The following FAM222A variants were observed in gnomAD, a reference collection of about 807,000 sequenced individuals.
FAM222A encodes family with sequence similarity 222 member A, also known as protein FAM222A.
Under a neutral mutation model 25.8 loss-of-function variants are expected in FAM222A, and 7 were observed. The observed-to-expected ratio is 0.27, with a 90% CI of 0.15 to 0.51. The LOEUF is 0.51. FAM222A is among the 20% of genes least tolerant of loss of function. The probability of loss-of-function intolerance (pLI) is 0.97; values close to 1 mark genes in which losing one functional copy is unlikely to be tolerated. For missense variants in FAM222A, 573 were observed against 640.5 expected (o/e 0.89, Z 1.14); for synonymous variants, 294 against 298.8 (o/e 0.98, Z 0.17).
intron 1 of FAM222A, among the ~76,000 whole-genome samples, chr12:109,739,469 G>T (rs75940818): frequency 6.6e-6 from 1 of 152,190 alleles, no homozygotes; most frequent in Non-Finnish European, 1.5e-5. Flanking sequence ...GAATGAATGG[G>T]TGGGTAAGAA....
intron 1 of FAM222A, among the ~76,000 whole-genome samples, chr12:109,726,627 A>AGGAGCAGCAGGG (rs1344659469): frequency 1.3e-5 from 2 of 152,228 alleles, no homozygotes; most frequent in East Asian, 3.8e-4. Flanking sequence ...GGAGATGGTC[A>AGGAGCAGCAGGG]GGAGCAGCAG....
At chr12:109,758,789 C>A (rs1248283618) in intron 2 of FAM222A, among the ~76,000 whole-genome samples, 1 of 152,166 alleles carries the variant, frequency 6.6e-6, no homozygotes, top group South Asian at 2.1e-4. Flanking sequence ...AGCTGCTCCC[C>A]CTGGCGAGCT....
At position 109,714,964 on chromosome 12, in the gene FAM222A, A is replaced by T. The variant is rs1887615637; in HGVS notation, c.-47+67A>T. On this transcript the variant is annotated intron_variant, in intron 1 of 2. Transcript: ENST00000538780. The surrounding 1 kb of genome is among the most constrained non-coding windows in gnomAD (Gnocchi z 4.2). ...ACCCCCTGGCGTCCGGGCAGCCAGG[A>T]TTGGACAGAAGGGGTCCTAGGCTGT... 1 of 152,688 alleles carries T rather than the reference A, an allele frequency of 6.5e-6. No individual in the cohort carries two copies. Among genetic ancestry groups the T allele is most frequent in the Non-Finnish European group, 1.5e-5 (1 of 68,452 alleles). The allele number at this position is 152,688 out of a possible 1,614,324, so 9.5% of individuals were successfully genotyped here.
intron 2 of FAM222A, among the ~76,000 whole-genome samples, chr12:109,750,301 C>T (rs1422395185): frequency 6.6e-6 from 1 of 152,106 alleles, no homozygotes; most frequent in African/African-American, 2.4e-5. Flanking sequence ...TCTTAGAGTT[C>T]ACTTCATATT....
Position 109,769,394 on chromosome 12 carries a change from C to T in FAM222A, c.*106C>T. On this transcript the variant is annotated 3_prime_UTR_variant, in exon 3 of 3. Coordinates refer to ENST00000538780, the MANE Select transcript of FAM222A (RefSeq NM_032829.3). ...AGGGGCGCTCAGCCCCACCCTGTGC[C>T]TGCTGATGCCCACAGGGGAGCCAGG... 7.4e-7 allele frequency: 1 copy of T among 1,342,618 alleles called. No homozygotes were observed. The highest frequency in any genetic ancestry group is 9.9e-7 in the Non-Finnish European group (1 of 1,005,748). 83.2% of individuals were successfully genotyped at this position (1,342,618 alleles called of 1,614,324 possible).
chr12:109,760,003 C>T (rs1314066585), intron 2 of FAM222A, among the ~76,000 whole-genome samples: 3 of 152,222 alleles, frequency 2.0e-5, no homozygotes, highest in African/African-American at 7.2e-5. Context: ...CTGAGGGACA[C>T]CTTGGCTGAG....
intron 1 of FAM222A, among the ~76,000 whole-genome samples, chr12:109,737,488 C>T (rs562929659): frequency 1.3e-5 from 2 of 151,914 alleles, no homozygotes; most frequent in Admixed American, 6.6e-5. Context: ...TTTTAGAGAG[C>T]CCCTGGCCTG....
intron 2 of FAM222A, among the ~76,000 whole-genome samples, chr12:109,753,297 C>G (rs1218959251): frequency 6.6e-6 from 1 of 152,160 alleles, no homozygotes; most frequent in East Asian, 1.9e-4. Context: ...GACGTGGCCT[C>G]TCTGTGCCCC....
chr12:109,730,096 C>T (rs1887918262), intron 1 of FAM222A, among the ~76,000 whole-genome samples: 1 of 152,186 alleles, frequency 6.6e-6, no homozygotes, highest in African/African-American at 2.4e-5. Context: ...CCCTCCTAAC[C>T]CCTGTGGCCT....
chr12:109,728,060 G>A (rs907569226), intron 1 of FAM222A, among the ~76,000 whole-genome samples: 1 of 152,212 alleles, frequency 6.6e-6, no homozygotes, highest in East Asian at 1.9e-4. Context: ...ACTGGGGGAA[G>A]ATGTAGTGCC....
At position 109,768,521 on chromosome 12, in the gene FAM222A, T is replaced by C; in HGVS notation, c.592T>C (p.Ser198Pro). ...GCCCCTGCCACCTTCCAACCTGCCC[T>C]CCATCCACAGCCTCCTGTACCAGCT... is the stretch of plus-strand genomic sequence containing the variant. ...GLPLPPSNLP[S>P]IHSLLYQLNQ... The change falls in exon 3 of 3, where the codon TCC (serine) becomes CCC (proline). Residue 198 changes from serine to proline, a missense_variant. Ser to Pro is a moderately conservative substitution (Grantham distance 74). Coordinates refer to ENST00000538780, the MANE Select transcript of FAM222A (RefSeq NM_032829.3). The C allele has an allele frequency of 6.2e-7, 1 of 1,606,112 alleles. No homozygotes were observed.
intron 2 of FAM222A, among the ~76,000 whole-genome samples, chr12:109,755,528 A>G (rs1406649144): frequency 1.3e-5 from 2 of 151,822 alleles, no homozygotes; most frequent in African/African-American, 4.8e-5. Flanking sequence ...CGGTTTCTCT[A>G]TGTTGGTCAG....
At chr12:109,758,096 G>C (rs1888786028) in intron 2 of FAM222A, among the ~76,000 whole-genome samples, 1 of 152,232 alleles carries the variant, frequency 6.6e-6, no homozygotes, top group African/African-American at 2.4e-5. Flanking sequence ...GGGCTGTGGG[G>C]TGTGGAAGGT....
chr12:109,762,504 C>A (rs1482205262), intron 2 of FAM222A, among the ~76,000 whole-genome samples: 1 of 152,200 alleles, frequency 6.6e-6, no homozygotes, highest in Non-Finnish European at 1.5e-5. Context: ...AGCCGCAGGC[C>A]CCCTCCCCAC....
At chr12:109,722,999 G>C (rs1566183856) in intron 1 of FAM222A, among the ~76,000 whole-genome samples, 1 of 147,096 alleles carries the variant, frequency 6.8e-6, no homozygotes, top group Admixed American at 6.6e-5. Context: ...TGGAGGGAGC[G>C]GGTGGGGGGG....
At chr12:109,756,051 A>C (rs1373464919) in intron 2 of FAM222A, among the ~76,000 whole-genome samples, 2 of 152,214 alleles carry the variant, frequency 1.3e-5, no homozygotes, top group African/African-American at 4.8e-5. Flanking sequence ...CAACTTAGGG[A>C]ATATTGCCAT....
intron 1 of FAM222A, among the ~76,000 whole-genome samples, chr12:109,717,694 A>C (rs1279404770): frequency 6.6e-6 from 1 of 152,148 alleles, no homozygotes; most frequent in Admixed American, 6.5e-5. Context: ...TTTGACAAGG[A>C]CAGTAACCCT....
intron 2 of FAM222A, among the ~76,000 whole-genome samples, chr12:109,767,243 T>C (rs1467224127): frequency 6.6e-6 from 1 of 151,734 alleles, no homozygotes. Flanking sequence ...AATAGAAAGG[T>C]TGGGCCAGGT....
At position 109,770,358 on chromosome 12, in the gene FAM222A, G is replaced by A. The variant is rs1199419529; in HGVS notation, c.*1070G>A. On this transcript the variant is annotated 3_prime_UTR_variant, in exon 3 of 3. Transcript: ENST00000538780. Reference sequence around the variant, plus strand: ...GTACTGTATCTCTCTCCAAGGCCTGGTCAAGCACTAAGTGCATTTACAAAT... The same window carrying A: ...GTACTGTATCTCTCTCCAAGGCCTGATCAAGCACTAAGTGCATTTACAAAT... 1 of 152,620 alleles carries A rather than the reference G, an allele frequency of 6.6e-6. No homozygotes were observed. The highest frequency in any genetic ancestry group is 1.5e-5 in the Non-Finnish European group (1 of 68,038). 9.5% of individuals were successfully genotyped at this position (152,620 alleles called of 1,614,324 possible).
Sources: gnomAD v4.1 joint callset for allele counts (sites outside exome capture counted in the v4.1 genomes callset) on GRCh38, gnomAD v4.1.1 for gene constraint, Gnocchi (gnomAD v3.1) non-coding constraint, MANE v1.5 for transcripts, NCBI Gene and HGNC (gene_info 2026-07-23, HGNC 2026-07-21) for gene names.